The following MTTP variants were observed in gnomAD, a reference collection of about 807,000 sequenced individuals.
MTTP encodes the protein microsomal triglyceride transfer protein.
Under a neutral mutation model 90.6 loss-of-function variants are expected in MTTP, and 49 were observed. That is an observed-to-expected ratio of 0.54 (90% confidence interval 0.43 to 0.69). The LOEUF (loss-of-function observed/expected upper bound fraction) is 0.69, where lower values mean the gene tolerates loss of function less well. Ranked by LOEUF, MTTP falls within the 30% of genes least tolerant of loss-of-function variation. The probability of loss-of-function intolerance (pLI) is 0.00; values close to 1 mark genes in which losing one functional copy is unlikely to be tolerated. For synonymous variants in MTTP, 347 were observed against 384.2 expected (o/e 0.90, Z 1.13); for missense variants, 945 against 1,067.5 (o/e 0.89, Z 1.60).
intron 1 of MTTP, among the ~76,000 whole-genome samples, chr4:99,577,654 AAAAAGG>A (rs1184947553): frequency 6.6e-6 from 1 of 151,754 alleles, no homozygotes; most frequent in Admixed American, 6.6e-5. Flanking sequence ...GGAAGAAAAG[AAAAAGG>A]AAAATTGAAT....
At chr4:99,583,715 C>A (rs1725185463) in intron 3 of MTTP, 198 bp downstream of exon 3, 2 of 649,128 alleles carry the variant, frequency 3.1e-6, no homozygotes, top group Non-Finnish European at 5.4e-6. Flanking sequence ...ATTTACTAGC[C>A]AATTTGTTTC....
intron 11 of MTTP, among the ~76,000 whole-genome samples, chr4:99,608,104 G>C (rs1170555549): frequency 6.6e-6 from 1 of 152,090 alleles, no homozygotes; most frequent in African/African-American, 2.4e-5. Context: ...GTAACACCAG[G>C]TTATGCTGCA....
Position 99,612,995 on chromosome 4 carries a change from G to A in MTTP, c.2072G>A (p.Gly691Asp), listed in dbSNP as rs1725999434. 2 of 1,613,932 alleles carry A rather than the reference G, an allele frequency of 1.2e-6. No homozygotes were observed. Among genetic ancestry groups the A allele is most frequent in the African/African-American group, 2.7e-5 (2 of 74,900 alleles). ...GAGGAGAACCTTGACTCCTATGCTGGTATGTCAGCCATCCTCTTTGATGTT... is the reference window on the plus strand; with the variant it reads ...GAGGAGAACCTTGACTCCTATGCTGATATGTCAGCCATCCTCTTTGATGTT... ...EGEENLDSYA[G>D]MSAILFDVQL... Residue 691 changes from glycine to aspartate, a missense_variant, in exon 15 of 18, where the codon GGT becomes GAT. Coordinates refer to ENST00000265517, the MANE Select transcript of MTTP (RefSeq NM_001386140.1).
chr4:99,621,169 G>A lies in MTTP; in HGVS notation c.2451G>A (p.Val817=). The change falls in exon 17 of 18, where the codon GTG becomes GTA. Residue 817 remains valine, a synonymous_variant. Coordinates refer to ENST00000265517, the MANE Select transcript of MTTP (RefSeq NM_001386140.1). ...TEAGLEFIST[V]QFSQYPFLVC... is the part of the protein sequence containing the mutation. Reference sequence around the variant, plus strand: ...CAGGCTTGGAGTTTATCTCCACAGTGCAGTTTTCTCAGTACCCATTCTTAG... The same window carrying A: ...CAGGCTTGGAGTTTATCTCCACAGTACAGTTTTCTCAGTACCCATTCTTAG... 1 of 1,614,074 alleles carries A rather than the reference G, an allele frequency of 6.2e-7. No homozygotes were observed. The highest frequency in any genetic ancestry group is 8.5e-7 in the Non-Finnish European group (1 of 1,179,970).
chr4:99,607,355 T>C (rs774452980), intron 11 of MTTP, among the ~76,000 whole-genome samples: 2 of 152,240 alleles, frequency 1.3e-5, no homozygotes, highest in African/African-American at 2.4e-5. Context: ...GGGCAGAGAA[T>C]GTCTATAAAT....
At chr4:99,611,116 A>C (rs1234924706) in intron 12 of MTTP, 27 bp from the exon 13 acceptor site, 5 of 1,588,244 alleles carry the variant, frequency 3.1e-6, no homozygotes, top group Non-Finnish European at 4.3e-6. Flanking sequence ...ATGAATGTGC[A>C]GCTTTTTTTT....
chr4:99,583,362 C>G lies in MTTP; in HGVS notation c.250-12C>G. On this transcript the variant is annotated splice_polypyrimidine_tract_variant and intron_variant, in intron 2 of 17. Coordinates refer to ENST00000265517, the MANE Select transcript of MTTP (RefSeq NM_001386140.1). ...GAAGTTTTTTTTAACAGCTTTCTTT[C>G]TGTTACTCCAGATGAAGGATGTAAA... 1 of 1,612,498 alleles carries G rather than the reference C, an allele frequency of 6.2e-7. No individual in the cohort carries two copies. Among genetic ancestry groups the G allele is most frequent in the Non-Finnish European group, 8.5e-7 (1 of 1,179,414 alleles).
Position 99,574,953 on chromosome 4 carries a change from A to G in MTTP, c.44A>G (p.Tyr15Cys). ...AVLFLCFISS[Y>C]SASVKGHTTG... The stretch of plus-strand genomic sequence containing the variant: ...CTTTTTCTCTGCTTCATTTCCTCAT[A>G]TTCAGCTTCTGTTAAAGGTAAGTTT... The change falls in exon 1 of 18, where the codon TAT (tyrosine) becomes TGT (cysteine). Residue 15 changes from tyrosine (Y) to cysteine (C), a missense_variant. By Grantham distance (194) the Tyr-to-Cys change is radical. Transcript: ENST00000265517. The G allele has an allele frequency of 6.2e-7, 1 of 1,614,088 alleles. No individual in the cohort carries two copies. The highest frequency in any genetic ancestry group is 8.5e-7 in the Non-Finnish European group (1 of 1,180,002).
At chr4:99,591,887 T>TGC (rs942986944) in intron 6 of MTTP, 97 bp downstream of exon 6, 3 of 1,073,354 alleles carry the variant, frequency 2.8e-6, no homozygotes, top group Admixed American at 4.3e-5. Flanking sequence ...TGTGTGTGTG[T>TGC]GCGCGTGTAG....
chr4:99,585,766 C>G (rs1360462397), intron 3 of MTTP, among the ~76,000 whole-genome samples: 6 of 151,896 alleles, frequency 4.0e-5, no homozygotes, highest in African/African-American at 1.5e-4. Flanking sequence ...TGCAATGGGC[C>G]AATTCTAGAG....
chr4:99,576,430 T>A (rs1316208820), intron 1 of MTTP, among the ~76,000 whole-genome samples: 1 of 152,032 alleles, frequency 6.6e-6, no homozygotes, highest in Non-Finnish European at 1.5e-5. Context: ...GCGTGGTGGC[T>A]CACGCCTGTA....
intron 1 of MTTP, chr4:99,564,414 T>C (rs913174834): frequency 1.3e-5 from 8 of 612,566 alleles, no homozygotes; most frequent in Non-Finnish European, 2.1e-5. Context: ...AAGTGGAAAA[T>C]TAAATTCAAA....
chr4:99,573,294 C>T (rs1005001392), upstream of MTTP, among the ~76,000 whole-genome samples: 16 of 152,034 alleles, frequency 1.1e-4, no homozygotes, highest in African/African-American at 3.6e-4. Flanking sequence ...ATGTATGTAT[C>T]ACAGAAATTG....
intron 3 of MTTP, among the ~76,000 whole-genome samples, 192 bp from the exon 4 acceptor site, chr4:99,589,451 A>G (rs1291744429): frequency 2.0e-5 from 3 of 152,020 alleles, no homozygotes; most frequent in Non-Finnish European, 4.4e-5. Context: ...GTCTCCCTAA[A>G]CTTCATATTC....
intron 17 of MTTP, 115 bp from the exon 18 acceptor site, chr4:99,622,562 C>A: frequency 8.9e-7 from 1 of 1,120,644 alleles, no homozygotes; most frequent in Admixed American, 1.8e-5. Context: ...CACTCATATC[C>A]TTTCTCAGAT....
intron 3 of MTTP, among the ~76,000 whole-genome samples, chr4:99,586,579 AT>A (rs1323893819): frequency 6.6e-6 from 1 of 152,034 alleles, no homozygotes; most frequent in East Asian, 1.9e-4. Flanking sequence ...TTTGTTGTAT[AT>A]TTCTTTACTT....
chr4:99,583,818 G>C (rs989004132), intron 3 of MTTP: 1 of 536,658 alleles, frequency 1.9e-6, no homozygotes, highest in Admixed American at 3.4e-5. Flanking sequence ...AATTATAAGG[G>C]ATTACAAACG....
Position 99,594,889 on chromosome 4 carries a change from T to G in MTTP, c.909+6T>G, listed in dbSNP as rs765547371. On this transcript the variant is annotated splice_donor_region_variant and intron_variant, in intron 7 of 17. Transcript: ENST00000265517. Reference sequence around the variant, plus strand: ...ACTGTAAAGGATGTCCTTCTGTAAGTGCAGACAAATATGGGAATAATCATG... The same window carrying G: ...ACTGTAAAGGATGTCCTTCTGTAAGGGCAGACAAATATGGGAATAATCATG... 1 of 1,613,578 alleles carries G rather than the reference T, an allele frequency of 6.2e-7. No individual in the cohort carries two copies. Among genetic ancestry groups the G allele is most frequent in the Non-Finnish European group, 8.5e-7 (1 of 1,179,548 alleles).
At position 99,623,445 on chromosome 4, in the gene MTTP, G is replaced by A. The variant is rs1352940422; in HGVS notation, c.*597G>A. 1 of 155,492 alleles carries A rather than the reference G, an allele frequency of 6.4e-6. No homozygotes were observed. The highest frequency in any genetic ancestry group is 2.4e-5 in the African/African-American group (1 of 41,398). 9.6% of individuals were successfully genotyped at this position (155,492 alleles called of 1,614,324 possible). A position where few individuals can be genotyped will look rare whatever the true frequency, so the allele number is the denominator to read the frequency against. ...GTTATTGTTAGTTTTAAGCCTTAAG[G>A]TAGAAGGCACATAGAAATAACATCT... is the stretch of plus-strand genomic sequence containing the variant. On this transcript the variant is annotated 3_prime_UTR_variant, in exon 18 of 18. Coordinates refer to ENST00000265517, the MANE Select transcript of MTTP (RefSeq NM_001386140.1).
Sources: allele counts gnomAD v4.1 joint callset (sites outside exome capture counted in the v4.1 genomes callset), GRCh38; gene constraint gnomAD v4.1.1; transcripts MANE v1.5; gene names NCBI Gene and HGNC (gene_info 2026-07-23, HGNC 2026-07-21).